The following EOGT variants were observed in gnomAD, a reference collection of about 807,000 sequenced individuals.
EOGT encodes the protein EGF domain-specific O-linked N-acetylglucosamine transferase.
EOGT carries 55 observed loss-of-function variants against 70.5 expected under a neutral mutation model. The ratio of observed to expected loss-of-function variants is 0.78; its 90% CI spans 0.63 to 0.98. The LOEUF (loss-of-function observed/expected upper bound fraction) is 0.98, where lower values mean the gene tolerates loss of function less well. EOGT is among the 50% of genes least tolerant of loss of function. The pLI, the probability that EOGT is intolerant of heterozygous loss-of-function variation, is 0.00. For missense variants in EOGT, 703 were observed against 641.9 expected (o/e 1.10, Z -1.03); for synonymous variants, 246 against 217.1 (o/e 1.13, Z -1.17).
At chr3:68,989,694 G>A (rs2090925216) in intron 10 of EOGT, among the ~76,000 whole-genome samples, 1 of 147,128 alleles carries the variant, frequency 6.8e-6, no homozygotes, top group Non-Finnish European at 1.5e-5. Flanking sequence ...GTTGCAGTGA[G>A]CCGAGATCAT....
chr3:68,989,508 G>A (rs1028913668), intron 10 of EOGT, among the ~76,000 whole-genome samples: 3 of 152,128 alleles, frequency 2.0e-5, no homozygotes, highest in Non-Finnish European at 4.4e-5. Context: ...AGCACTTTGG[G>A]AGGCCGAGGC....
chr3:69,009,933 C>CAACAAAAAAAAAAAAAAA, intron 3 of EOGT, 73 bp from the exon 4 acceptor site: 3 of 255,194 alleles, frequency 1.2e-5, no homozygotes, highest in East Asian at 4.5e-5. Context: ...ACAACAACAA[C>CAACAAAAAAAAAAAAAAA]AAAAAAAAAA....
chr3:69,012,891 C>A (rs2091611166), intron 1 of EOGT, 92 bp from the exon 2 acceptor site: 1 of 140,216 alleles, frequency 7.1e-6, no homozygotes, highest in Non-Finnish European at 1.6e-5. Context: ...GGGGCAATGT[C>A]GCAGAGAGAG....
At chr3:69,002,786 C>T (rs760436374) in intron 8 of EOGT, among the ~76,000 whole-genome samples, 6 of 152,066 alleles carry the variant, frequency 3.9e-5, no homozygotes, top group Admixed American at 1.3e-4. Context: ...TCCCAAGTAG[C>T]TAGGATTACA....
At chr3:68,993,592 C>G (rs1037412772) in intron 10 of EOGT, among the ~76,000 whole-genome samples, 1 of 152,170 alleles carries the variant, frequency 6.6e-6, no homozygotes, top group Admixed American at 6.5e-5. Context: ...CTGTTCCAAT[C>G]GCTGCTTGCT....
chr3:68,999,175 C>T lies in EOGT; in HGVS notation c.728-1061G>A, dbSNP rs530145089. ...TGGGAAATAGTTACCTAAGTGCCAG[C>T]TTTATTATGAGAAACCCAAAGATAA... On this transcript the variant is annotated intron_variant, in intron 9 of 17. Transcript: ENST00000383701. 3.9e-5 allele frequency among the ~76,000 whole-genome samples: 6 copies of T among 152,298 alleles called. No homozygotes were observed. In the East Asian group the frequency reaches 1.2e-3, roughly 29 times the overall value.
Position 69,004,433 on chromosome 3 carries a change from G to A in EOGT, c.565C>T (p.Leu189Phe), listed in dbSNP as rs1469780002. ...TCAGACGTCAATGTACGGATGTCAA[G>A]TTTACAGTGCCCTCCAATTTCACCA... Reference protein sequence around the residue: ...QSGEIGGHCKLDIRTLTSEGQ... With the variant: ...QSGEIGGHCKFDIRTLTSEGQ... The change falls in exon 8 of 18, where the codon CTT becomes TTT. Residue 189 changes from leucine to phenylalanine, a missense_variant. Physicochemically the swap from Leu to Phe is conservative, Grantham distance 22 (BLOSUM62 0). Transcript: ENST00000383701. The A allele has an allele frequency of 1.9e-5, 30 of 1,614,022 alleles. No homozygotes were observed. Among genetic ancestry groups the A allele is most frequent in the Middle Eastern group, 1.6e-4 (1 of 6,084 alleles).
chr3:68,988,618 C>A (rs1452899329), intron 11 of EOGT, 41 bp from the exon 12 acceptor site: 2 of 1,238,234 alleles, frequency 1.6e-6, no homozygotes, highest in African/African-American at 1.5e-5. Context: ...TAATTTGCAC[C>A]CTTCACACCA....
intron 4 of EOGT, among the ~76,000 whole-genome samples, chr3:69,008,889 G>C (rs2091502075): frequency 6.6e-6 from 1 of 152,184 alleles, no homozygotes; most frequent in Non-Finnish European, 1.5e-5. Context: ...ACTGGAATTT[G>C]TGCTACCAAA....
At chr3:68,993,162 G>T (rs1366066205) in intron 10 of EOGT, among the ~76,000 whole-genome samples, 1 of 152,212 alleles carries the variant, frequency 6.6e-6, no homozygotes, top group Non-Finnish European at 1.5e-5. Flanking sequence ...CAGCTGACTT[G>T]AAATTCTCCC....
chr3:69,000,717 C>T (rs1013069249), intron 9 of EOGT, among the ~76,000 whole-genome samples: 12 of 152,114 alleles, frequency 7.9e-5, no homozygotes, highest in Non-Finnish European at 1.5e-4. Context: ...TAATATAGTA[C>T]AATCTGTGTT....
At chr3:68,987,887 C>G (rs539015988) in intron 13 of EOGT, 77 of 325,958 alleles carry the variant, frequency 2.4e-4, no homozygotes, top group Admixed American at 3.3e-4. Flanking sequence ...TTTTTGACAC[C>G]TGGTTTCAGA....
chr3:69,003,245 T>C (rs2091348756), intron 8 of EOGT, among the ~76,000 whole-genome samples: 1 of 152,196 alleles, frequency 6.6e-6, no homozygotes, highest in Non-Finnish European at 1.5e-5. Context: ...CATTGTGCCA[T>C]GGTTATATGA....
At chr3:69,005,951 T>C (rs367767206) in intron 6 of EOGT, among the ~76,000 whole-genome samples, 25 of 152,348 alleles carry the variant, frequency 1.6e-4, no homozygotes, top group African/African-American at 5.8e-4. Context: ...TTGGAGTCTG[T>C]AGTTGGTAAA....
intron 10 of EOGT, 23 bp downstream of exon 10, chr3:68,997,988 G>A (rs760037363): frequency 1.4e-5 from 18 of 1,318,942 alleles, no homozygotes; most frequent in Middle Eastern, 1.8e-4. Context: ...CAGTACTGAA[G>A]CGGAGAGCAC....
intron 15 of EOGT, among the ~76,000 whole-genome samples, chr3:68,981,625 A>G (rs1268917170): frequency 6.6e-6 from 1 of 152,186 alleles, no homozygotes; most frequent in Non-Finnish European, 1.5e-5. Context: ...AATTACCCAA[A>G]CTGTGAATAA....
intron 6 of EOGT, among the ~76,000 whole-genome samples, chr3:69,006,384 T>A (rs1040293916): frequency 6.6e-6 from 1 of 152,206 alleles, no homozygotes; most frequent in South Asian, 2.1e-4. Context: ...CTATAAAGTA[T>A]ATACTCAGTT....
chr3:68,996,095 G>T (rs1370247047), intron 10 of EOGT, among the ~76,000 whole-genome samples: 1 of 152,160 alleles, frequency 6.6e-6, no homozygotes, highest in Non-Finnish European at 1.5e-5. Context: ...AGAAAAGAAA[G>T]GGATTGTTGT....
At chr3:68,986,694 G>A (rs1370758998) in intron 14 of EOGT, among the ~76,000 whole-genome samples, 2 of 152,024 alleles carry the variant, frequency 1.3e-5, no homozygotes, top group Non-Finnish European at 2.9e-5. Context: ...ACATCACCCT[G>A]GTTCATCCTT....
Sources: gnomAD v4.1 joint callset for allele counts (sites outside exome capture counted in the v4.1 genomes callset) on GRCh38, gnomAD v4.1.1 for gene constraint, MANE v1.5 for transcripts, NCBI Gene and HGNC (gene_info 2026-07-23, HGNC 2026-07-21) for gene names.